The following FNDC7 variants were observed in gnomAD, a reference collection of about 807,000 sequenced individuals.
FNDC7 encodes fibronectin type III domain-containing protein 7.
Under a neutral mutation model 74.2 loss-of-function variants are expected in FNDC7, and 66 were observed. That is an observed-to-expected ratio of 0.89 (90% confidence interval 0.73 to 1.09). FNDC7 has a LOEUF of 1.09. Ranked by LOEUF, FNDC7 falls within the 50% of genes least tolerant of loss-of-function variation. FNDC7 has a pLI of 0.00. For synonymous variants in FNDC7, 307 were observed against 330.2 expected, an observed-to-expected ratio of 0.93 and a Z score of 0.76; for missense variants, 829 against 893.4, an observed-to-expected ratio of 0.93 and a Z score of 0.92.
At chr1:108,721,291 A>G (rs1661087399) in intron 4 of FNDC7, among the ~76,000 whole-genome samples, 1 of 152,174 alleles carries the variant, frequency 6.6e-6, no homozygotes, top group African/African-American at 2.4e-5. Flanking sequence ...AACATGGTGA[A>G]ACCCCGTCTC....
chr1:108,725,668 T>C (rs571504428), intron 5 of FNDC7, 82 bp from the exon 6 acceptor site: 1 of 1,457,110 alleles, frequency 6.9e-7, no homozygotes, highest in Admixed American at 2.0e-5. Flanking sequence ...TAATTTGGGT[T>C]GTATTGAAAT....
rs879672396 is a variant in FNDC7 at position 108,730,819 on chromosome 1, C to T, written c.1770C>T (p.Asn590=). 6.2e-7 allele frequency: 1 copy of T among 1,614,040 alleles called. No homozygotes were observed. Among genetic ancestry groups the T allele is most frequent in the Non-Finnish European group, 8.5e-7 (1 of 1,179,952 alleles). ...AGTCTAAGTGTCACACTCATCAAAA[C>T]CACTGCCTCCTAGGATGCATCACAT... ...TGQSKCHTHQ[N]HCLLGCITCG... The change falls in exon 9 of 13, where the codon AAC becomes AAT. Residue 590 remains asparagine (N), a synonymous_variant. Coordinates refer to ENST00000370017, the MANE Select transcript of FNDC7 (RefSeq NM_001144937.3).
chr1:108,736,036 G>A (rs892604298), intron 10 of FNDC7, among the ~76,000 whole-genome samples: 45 of 152,124 alleles, frequency 3.0e-4, no homozygotes, highest in Middle Eastern at 3.4e-3. Context: ...TTGAACTCCC[G>A]GGCTCAAGCA....
Position 108,733,423 on chromosome 1 carries a change from T to C in FNDC7, c.2031T>C (p.Ser677=). The C allele has an allele frequency of 6.2e-7, 1 of 1,614,136 alleles. No homozygotes were observed. Among genetic ancestry groups the C allele is most frequent in the Non-Finnish European group, 8.5e-7 (1 of 1,180,030 alleles). The change falls in exon 10 of 13, where the codon AGT becomes AGC. Residue 677 remains serine (S), a synonymous_variant. Coordinates refer to ENST00000370017, the MANE Select transcript of FNDC7 (RefSeq NM_001144937.3). The part of the protein sequence containing the change: ...IFTCTPSAGL[S]FCDVTEIPCG... ...CGTGCACCCCGAGTGCTGGCCTCAG[T>C]TTCTGTGATGTCACTGAGATACCCT...
chr1:108,713,143 C>A, intron 1 of FNDC7, 147 bp downstream of exon 1: 1 of 684,932 alleles, frequency 1.5e-6, no homozygotes, highest in Non-Finnish European at 2.4e-6. Context: ...TATATGTTTG[C>A]GTGTTTGAAA....
At chr1:108,715,577 C>T (rs1437438480) in intron 2 of FNDC7, among the ~76,000 whole-genome samples, 4 of 152,182 alleles carry the variant, frequency 2.6e-5, no homozygotes, top group Non-Finnish European at 5.9e-5. Context: ...TCACAGGACC[C>T]CTCCATGGCA....
intron 4 of FNDC7, among the ~76,000 whole-genome samples, chr1:108,721,268 G>C (rs1298483943): frequency 6.6e-6 from 1 of 152,166 alleles, no homozygotes; most frequent in East Asian, 1.9e-4. Context: ...AGGAGATCAA[G>C]AACATCCTGG....
chr1:108,715,571 A>G (rs74114811), intron 2 of FNDC7, among the ~76,000 whole-genome samples: 2,817 of 152,264 alleles, frequency 0.019, 93 homozygotes, highest in African/African-American at 0.063. Context: ...CCACTTTCAC[A>G]GGACCCCTCC....
chr1:108,725,591 A>G (rs1661188740), intron 5 of FNDC7, among the ~76,000 whole-genome samples, 159 bp from the exon 6 acceptor site: 1 of 152,236 alleles, frequency 6.6e-6, no homozygotes, highest in South Asian at 2.1e-4. Flanking sequence ...AAAATCTTCT[A>G]ATGCTTCCAG....
At chr1:108,739,224 G>A (rs1309952972) in intron 11 of FNDC7, among the ~76,000 whole-genome samples, 1 of 152,216 alleles carries the variant, frequency 6.6e-6, no homozygotes, top group Non-Finnish European at 1.5e-5. Context: ...AGGAGAGCAG[G>A]CATGGTGGCT....
At chr1:108,737,446 A>G in intron 10 of FNDC7, 49 bp from the exon 11 acceptor site, 1 of 1,473,422 alleles carries the variant, frequency 6.8e-7, no homozygotes, top group Non-Finnish European at 9.3e-7. Flanking sequence ...ACTATCTTAA[A>G]TACATAAATG....
intron 4 of FNDC7, 35 bp from the exon 5 acceptor site, chr1:108,722,300 T>C: frequency 6.6e-7 from 1 of 1,522,494 alleles, no homozygotes; most frequent in Non-Finnish European, 8.8e-7. Flanking sequence ...TTTGTAAGGC[T>C]ACTACAAAAT....
chr1:108,734,121 T>C (rs1461654777), intron 10 of FNDC7: 1 of 152,274 alleles, frequency 6.6e-6, no homozygotes, highest in Admixed American at 6.5e-5. Context: ...AAATTTAAGA[T>C]AATTTTCTGC....
chr1:108,729,366 G>T (rs1031294097), intron 8 of FNDC7, among the ~76,000 whole-genome samples: 2 of 152,106 alleles, frequency 1.3e-5, no homozygotes, highest in African/African-American at 2.4e-5. Context: ...TGGCTAACAC[G>T]GTGAAACCCT....
At chr1:108,736,233 T>C (rs191154781) in intron 10 of FNDC7, among the ~76,000 whole-genome samples, 176 of 152,290 alleles carry the variant, frequency 1.2e-3, no homozygotes, top group African/African-American at 4.1e-3. Flanking sequence ...TTCTATGTCA[T>C]GTTCTGGAGC....
chr1:108,722,653 G>A (rs55697101), intron 5 of FNDC7, 61 bp downstream of exon 5: 104 of 1,499,072 alleles, frequency 6.9e-5, no homozygotes, highest in Non-Finnish European at 8.2e-5. Flanking sequence ...TAAGGGAGAC[G>A]TTCACTGACA....
chr1:108,737,168 C>T (rs563577142), intron 10 of FNDC7, among the ~76,000 whole-genome samples: 15 of 152,116 alleles, frequency 9.9e-5, no homozygotes, highest in Non-Finnish European at 2.2e-4. Flanking sequence ...ATGGGGGTTT[C>T]GCCATGTTGG....
In FNDC7 at chr1:108,725,922, T is replaced by C; in HGVS notation, c.1029T>C (p.Cys343=). ...SLTQCNFLSE[C]GFTYFISVFV... The stretch of plus-strand genomic sequence containing the variant: ...CTCAGTGCAACTTCTTATCTGAGTG[T>C]GGCTTCACTTATTTTATTAGTGTTT... Residue 343 remains cysteine (C), a synonymous_variant, in exon 6 of 13, where the codon TGT becomes TGC. Coordinates refer to ENST00000370017, the MANE Select transcript of FNDC7 (RefSeq NM_001144937.3). 1 of 1,614,146 alleles carries C rather than the reference T, an allele frequency of 6.2e-7. No homozygotes were observed. The highest frequency in any genetic ancestry group is 8.5e-7 in the Non-Finnish European group (1 of 1,179,990).
rs965460569 is a variant in FNDC7 at position 108,717,858 on chromosome 1, C to T, written c.164C>T (p.Ala55Val). The T allele has an allele frequency of 1.3e-6, 2 of 1,551,710 alleles. No homozygotes were observed. The highest frequency in any genetic ancestry group is 1.4e-5 in the African/African-American group (1 of 73,160). The change falls in exon 3 of 13, where the codon GCC becomes GTC. Residue 55 changes from alanine to valine, a missense_variant. Ala to Val is a moderately conservative substitution (Grantham distance 64). Transcript: ENST00000370017. ...ITVEWATVPG[A>V]TSYLLTAEDG... Reference sequence around the variant, plus strand: ...GTAGAATGGGCTACAGTGCCGGGTGCCACCAGTTACCTCCTCACGGCTGAA... The same window carrying T: ...GTAGAATGGGCTACAGTGCCGGGTGTCACCAGTTACCTCCTCACGGCTGAA...
Sources: gnomAD v4.1 joint callset for allele counts (sites outside exome capture counted in the v4.1 genomes callset) on GRCh38, gnomAD v4.1.1 for gene constraint, MANE v1.5 for transcripts, NCBI Gene and HGNC (gene_info 2026-07-23, HGNC 2026-07-21) for gene names.